Variants in SPON1 observed in about 807,000 individuals in gnomAD.
SPON1 encodes the protein spondin 1.
SPON1 carries 52 observed loss-of-function variants against 111.7 expected under a neutral mutation model. The ratio of observed to expected loss-of-function variants is 0.47; its 90% CI spans 0.37 to 0.59. SPON1 has a LOEUF of 0.59. SPON1 is among the 20% of genes least tolerant of loss of function. The pLI, the probability that SPON1 is intolerant of heterozygous loss-of-function variation, is 0.00. For missense variants in SPON1, 957 were observed against 1,068.5 expected, an observed-to-expected ratio of 0.90 and a Z score of 1.46; for synonymous variants, 410 against 395.8, an observed-to-expected ratio of 1.04 and a Z score of -0.43.
intron 6 of SPON1, among the ~76,000 whole-genome samples, chr11:14,164,514 T>C (rs898662300): frequency 1.2e-4 from 18 of 152,158 alleles, no homozygotes; most frequent in African/African-American, 4.1e-4. Context: ...CTACAAACTT[T>C]TTTACATAAG....
At chr11:14,033,031 T>A (rs1269718890) in intron 2 of SPON1, among the ~76,000 whole-genome samples, 1 of 152,176 alleles carries the variant, frequency 6.6e-6, no homozygotes, top group Non-Finnish European at 1.5e-5. Flanking sequence ...TCCCCTGAGT[T>A]GTTTCCTTAA....
At chr11:14,210,857 G>A (rs1848567819) in intron 6 of SPON1, among the ~76,000 whole-genome samples, 1 of 152,174 alleles carries the variant, frequency 6.6e-6, no homozygotes, top group Non-Finnish European at 1.5e-5. Flanking sequence ...TATTAAATAG[G>A]AAATCCTTTC....
chr11:14,003,654 AT>A (rs1564883743), intron 2 of SPON1, among the ~76,000 whole-genome samples: 17 of 152,266 alleles, frequency 1.1e-4, no homozygotes, highest in African/African-American at 3.9e-4. Context: ...CATAAGCACT[AT>A]TGGCATTTGG....
rs782507532 is a variant in SPON1 at position 14,259,616 on chromosome 11, C to T, written c.1746C>T (p.His582=). 2.6e-5 allele frequency: 40 copies of T among 1,559,296 alleles called. No individual in the cohort carries two copies. Among genetic ancestry groups the T allele is most frequent in the Non-Finnish European group, 3.3e-5 (38 of 1,151,768 alleles). ...GCGGCATGGGCATGAAGAAGCGGCA[C>T]CGCATGATCAAGATGAACCCCGCAG... ...ATCGMGMKKR[H]RMIKMNPADG... Residue 582 remains histidine (H), a synonymous_variant, in exon 13 of 16, where the codon CAC becomes CAT. Transcript: ENST00000576479. The surrounding 1 kb of genome is among the most constrained non-coding windows in gnomAD (Gnocchi z 5.0).
At chr11:14,087,709 T>C (rs1334167794) in intron 5 of SPON1, among the ~76,000 whole-genome samples, 1 of 152,220 alleles carries the variant, frequency 6.6e-6, no homozygotes, top group African/African-American at 2.4e-5. Flanking sequence ...GTTAATTTTC[T>C]GTCCCATTGA....
intron 2 of SPON1, among the ~76,000 whole-genome samples, chr11:14,002,891 C>T (rs1848330542): frequency 6.6e-6 from 1 of 152,098 alleles, no homozygotes; most frequent in Non-Finnish European, 1.5e-5. Flanking sequence ...CCCCAAAGTC[C>T]TAGGACCCCA....
intron 3 of SPON1, among the ~76,000 whole-genome samples, chr11:14,071,873 AT>A (rs1848879848): frequency 6.6e-6 from 1 of 151,958 alleles, no homozygotes; most frequent in African/African-American, 2.4e-5. Context: ...TAATTTTTGT[AT>A]TTTTGGTAGA....
At chr11:14,057,487 G>T (rs1005684129) in intron 3 of SPON1, among the ~76,000 whole-genome samples, 33 of 152,190 alleles carry the variant, frequency 2.2e-4, no homozygotes, top group African/African-American at 7.5e-4. Context: ...TTGTTGAAAT[G>T]TGAATAGGGT....
chr11:14,052,346 G>C (rs1244350636), intron 3 of SPON1, among the ~76,000 whole-genome samples: 6 of 152,196 alleles, frequency 3.9e-5, no homozygotes, highest in Non-Finnish European at 7.3e-5. Context: ...CACATGCAAT[G>C]ACTCCGTGTG....
intron 3 of SPON1, among the ~76,000 whole-genome samples, chr11:14,064,797 T>G (rs1217869700): frequency 6.6e-6 from 1 of 151,996 alleles, no homozygotes; most frequent in African/African-American, 2.4e-5. Flanking sequence ...AGGAGACCAT[T>G]AGGAGGTTAC....
At chr11:14,207,847 T>C (rs1554936338) in intron 6 of SPON1, among the ~76,000 whole-genome samples, 1 of 152,216 alleles carries the variant, frequency 6.6e-6, no homozygotes, top group African/African-American at 2.4e-5. Context: ...GCAATCCCAT[T>C]ACTGGGTATA....
chr11:13,986,904 T>G (rs1318528244), intron 2 of SPON1, among the ~76,000 whole-genome samples: 4 of 152,220 alleles, frequency 2.6e-5, no homozygotes, highest in African/African-American at 9.6e-5. Context: ...CATCCTTTTT[T>G]ATGGCTGCAT....
intron 6 of SPON1, among the ~76,000 whole-genome samples, chr11:14,220,086 CA>C (rs149757475): frequency 0.044 from 5,253 of 118,098 alleles, 217 homozygotes; most frequent in African/African-American, 0.13. Flanking sequence ...GCACTTGGAT[CA>C]AAAAAAAAAA....
intron 7 of SPON1, among the ~76,000 whole-genome samples, chr11:14,250,794 A>T (rs1280187665): frequency 6.6e-6 from 1 of 152,246 alleles, no homozygotes; most frequent in East Asian, 1.9e-4. Context: ...AGGAAAACTC[A>T]TATAGATTCT....
At chr11:14,099,003 C>T (rs541162038) in intron 5 of SPON1, among the ~76,000 whole-genome samples, 1 of 152,244 alleles carries the variant, frequency 6.6e-6, no homozygotes, top group Admixed American at 6.5e-5. Flanking sequence ...TTGGTTAGTT[C>T]CTACCTACCT....
intron 6 of SPON1, among the ~76,000 whole-genome samples, chr11:14,138,089 G>A (rs1311259479): frequency 6.6e-6 from 1 of 152,176 alleles, no homozygotes; most frequent in African/African-American, 2.4e-5. Context: ...AACTAACACA[G>A]TGTTCTCGGG....
chr11:14,143,165 C>T (rs1433551601), intron 6 of SPON1, among the ~76,000 whole-genome samples: 2 of 152,206 alleles, frequency 1.3e-5, no homozygotes, highest in African/African-American at 4.8e-5. Flanking sequence ...CCCCCTGCAT[C>T]AGATATCTAC....
At chr11:14,226,259 G>A (rs1473935483) in intron 6 of SPON1, among the ~76,000 whole-genome samples, 1 of 152,174 alleles carries the variant, frequency 6.6e-6, no homozygotes, top group Non-Finnish European at 1.5e-5. Context: ...CCCTTCTAAT[G>A]ACAGGTTTTA....
chr11:14,124,891 T>G (rs1012549156), intron 5 of SPON1, among the ~76,000 whole-genome samples: 1 of 150,962 alleles, frequency 6.6e-6, no homozygotes, highest in Non-Finnish European at 1.5e-5. Context: ...AGTGCAAGAG[T>G]TTTCCTGGGA....
Sources: gnomAD v4.1 joint callset for allele counts (sites outside exome capture counted in the v4.1 genomes callset) on GRCh38, gnomAD v4.1.1 for gene constraint, Gnocchi (gnomAD v3.1) non-coding constraint, MANE v1.5 for transcripts, NCBI Gene and HGNC (gene_info 2026-07-23, HGNC 2026-07-21) for gene names.